The following PUS3 variants were observed in gnomAD, a reference collection of about 807,000 sequenced individuals.
PUS3 encodes tRNA pseudouridine(38/39) synthase.
Under a neutral mutation model 43.3 loss-of-function variants are expected in PUS3, and 36 were observed. The observed-to-expected ratio is 0.83, with a 90% CI of 0.64 to 1.10. The LOEUF is 1.10. PUS3 is among the 50% of genes least tolerant of loss of function. The pLI is 0.00. For missense variants in PUS3, 544 were observed against 589.9 expected (o/e 0.92, Z 0.81); for synonymous variants, 183 against 199.2 (o/e 0.92, Z 0.69).
Position 125,900,665 on chromosome 11 carries a change from C to T in PUS3, c.-47+2505G>A, listed in dbSNP as rs1182632153. On this transcript the variant is annotated intron_variant, in intron 1 of 3. Coordinates refer to ENST00000227474, the MANE Select transcript of PUS3 (RefSeq NM_031307.4). ...AAATTCATGAACTTGAACATTATTT[C>T]ATGAAATACTTGCCTAAGATGATCT... The T allele has an allele frequency of 1.5e-5, 4 of 259,764 alleles. No individual in the cohort carries two copies. In the Admixed American group the frequency reaches 1.6e-4, roughly 10 times the overall value. 16.1% of individuals were successfully genotyped at this position (259,764 alleles called of 1,614,324 possible).
Position 125,900,320 on chromosome 11 carries a change from A to T in PUS3, c.-47+2850T>A, listed in dbSNP as rs746008145. Reference sequence around the variant, plus strand: ...TGTTTGAGATAACCTAGCTCTTTATATCTTCCCTTTTAAATAGAAACAACT... The same window carrying T: ...TGTTTGAGATAACCTAGCTCTTTATTTCTTCCCTTTTAAATAGAAACAACT... On this transcript the variant is annotated intron_variant, in intron 1 of 3. Transcript: ENST00000227474. The T allele has an allele frequency of 7.1e-6, 11 of 1,541,304 alleles. No homozygotes were observed. In the South Asian group the frequency reaches 1.0e-4, roughly 14 times the overall value.
At position 125,896,338 on chromosome 11, in the gene PUS3, G is replaced by A; in HGVS notation, c.-46-8C>T. 1 of 1,495,148 alleles carries A rather than the reference G, an allele frequency of 6.7e-7. No individual in the cohort carries two copies. The highest frequency in any genetic ancestry group is 9.1e-7 in the Non-Finnish European group (1 of 1,097,490). The allele number at this position is 1,495,148 out of a possible 1,614,324, so 92.6% of individuals were successfully genotyped here. A position where few individuals can be genotyped will look rare whatever the true frequency, so the allele number is the denominator to read the frequency against. Reference sequence around the variant, plus strand: ...CATACAGGTCTGCCCTGTCTGAAAAGAGAGCAAAGGGATACAACAGTTTCA... The same window carrying A: ...CATACAGGTCTGCCCTGTCTGAAAAAAGAGCAAAGGGATACAACAGTTTCA... On this transcript the variant is annotated splice_region_variant and splice_polypyrimidine_tract_variant and intron_variant, in intron 1 of 3. Transcript: ENST00000227474.
At chr11:125,899,627 C>G in intron 1 of PUS3, 1 of 1,614,150 alleles carries the variant, frequency 6.2e-7, no homozygotes, top group Non-Finnish European at 8.5e-7. Flanking sequence ...TGAGGCCTCC[C>G]AAAGACTCCG....
At position 125,895,776 on chromosome 11, in the gene PUS3, T is replaced by C; in HGVS notation, c.392A>G (p.Asp131Gly). ...VSAFGQVISL[D>G]LRSQFPRGRD... ...GCCCCTTGGAAACTGAGAGCGAAGG[T>C]CAAGTGAGATCACCTGTGGAGTTAG... The change falls in exon 3 of 4, where the codon GAC becomes GGC. Residue 131 changes from aspartate to glycine, a missense_variant. Coordinates refer to ENST00000227474, the MANE Select transcript of PUS3 (RefSeq NM_031307.4). 2 of 1,599,342 alleles carry C rather than the reference T, an allele frequency of 1.3e-6. No homozygotes were observed. The highest frequency in any genetic ancestry group is 8.5e-7 in the Non-Finnish European group (1 of 1,175,708).
Position 125,899,480 on chromosome 11 carries a change from G to A in PUS3, c.-46-3150C>T, listed in dbSNP as rs759911014. On this transcript the variant is annotated intron_variant, in intron 1 of 3. Transcript: ENST00000227474. Reference sequence around the variant, plus strand: ...CATCTGTGCAGGGCAGGGTGAAGGAGATGTCAGGAGAGAAGCCCAATCTAT... The same window carrying A: ...CATCTGTGCAGGGCAGGGTGAAGGAAATGTCAGGAGAGAAGCCCAATCTAT... The A allele has an allele frequency of 1.9e-6, 3 of 1,614,208 alleles. No homozygotes were observed. The South Asian group carries it at 3.3e-5, about 18-fold the overall frequency.
chr11:125,895,956 T>A lies in PUS3; in HGVS notation c.329A>T (p.Asn110Ile). 6.2e-7 allele frequency: 1 copy of A among 1,614,116 alleles called. No individual in the cohort carries two copies. The highest frequency in any genetic ancestry group is 1.1e-5 in the South Asian group (1 of 91,086). The change falls in exon 2 of 4, where the codon AAC becomes ATC. Residue 110 changes from asparagine to isoleucine, a missense_variant. Physicochemically the swap from Asn to Ile is moderately radical, Grantham distance 149. Coordinates refer to ENST00000227474, the MANE Select transcript of PUS3 (RefSeq NM_031307.4). ...TRLVESRQTSNYHRCGRTDKG... is the reference protein window; with the variant it reads ...TRLVESRQTSIYHRCGRTDKG... ...ATCTGTTCTCCCACATCGGTGATAG[T>A]TGGATGTCTGTCTGCTTTCTACTAG... is the stretch of plus-strand genomic sequence containing the variant.
At chr11:125,894,413 T>C in intron 3 of PUS3, 127 bp from the exon 4 acceptor site, 1 of 688,442 alleles carries the variant, frequency 1.5e-6, no homozygotes, top group Non-Finnish European at 2.4e-6. Flanking sequence ...TATTGCCTAA[T>C]AGCTGAGAAA....
chr11:125,895,842 C>T (rs1424563132), intron 2 of PUS3, 53 bp from the exon 3 acceptor site: 2 of 1,583,014 alleles, frequency 1.3e-6, no homozygotes, highest in Middle Eastern at 1.7e-4. Flanking sequence ...AATCTCAGTA[C>T]TCAGTGTGTA....
chr11:125,899,005 C>T, intron 1 of PUS3: 1 of 189,498 alleles, frequency 5.3e-6, no homozygotes, highest in South Asian at 1.3e-4. Flanking sequence ...ACATAAAGTA[C>T]TCCCTAAGTA....
At chr11:125,901,256 T>C (rs961429766) in intron 1 of PUS3, among the ~76,000 whole-genome samples, 3 of 152,244 alleles carry the variant, frequency 2.0e-5, no homozygotes, top group South Asian at 4.1e-4. Context: ...TACCATTCTT[T>C]TTATAATTTG....
Position 125,899,392 on chromosome 11 carries a change from A to C in PUS3, c.-46-3062T>G. On this transcript the variant is annotated intron_variant, in intron 1 of 3. Coordinates refer to ENST00000227474, the MANE Select transcript of PUS3 (RefSeq NM_031307.4). ...CAATGGAAGAACTTCTACCTGATGG[A>C]CAAATATGGGCTAATATGGATCCAG... 3 of 1,614,152 alleles carry C rather than the reference A, an allele frequency of 1.9e-6. No individual in the cohort carries two copies. The highest frequency in any genetic ancestry group is 2.5e-6 in the Non-Finnish European group (3 of 1,180,010).
At chr11:125,900,995 C>T (rs1353245399) in intron 1 of PUS3, among the ~76,000 whole-genome samples, 2 of 106,496 alleles carry the variant, frequency 1.9e-5, no homozygotes, top group South Asian at 3.5e-4. Flanking sequence ...TGGGCGACAG[C>T]GAGACTCCGT....
At position 125,894,202 on chromosome 11, in the gene PUS3, G is replaced by A. The variant is rs1349524327; in HGVS notation, c.1029C>T (p.Phe343=). ...KWIYDQEAQE[F]NITHLQQLWA... ...ACAGTTGTTGTAGGTGGGTAATATT[G>A]AACTCCTGAGCCTCCTGGTCATAGA... Residue 343 remains phenylalanine (F), a synonymous_variant, in exon 4 of 4, where the codon TTC becomes TTT. Coordinates refer to ENST00000227474, the MANE Select transcript of PUS3 (RefSeq NM_031307.4). 1.2e-6 allele frequency: 2 copies of A among 1,613,864 alleles called. No individual in the cohort carries two copies. Among genetic ancestry groups the A allele is most frequent in the Admixed American group, 3.3e-5 (2 of 60,016 alleles).
In PUS3 at chr11:125,896,210, C is replaced by T; in HGVS notation, c.75G>A (p.Val25=). The T allele has an allele frequency of 6.2e-7, 1 of 1,614,142 alleles. No homozygotes were observed. The highest frequency in any genetic ancestry group is 8.5e-7 in the Non-Finnish European group (1 of 1,180,004). Reference sequence around the variant, plus strand: ...TGGCCTGTTCCTTTTTAAGTCTTTGCACCTCTTGCTCCAGTTCTCGTACTC... The same window carrying T: ...TGGCCTGTTCCTTTTTAAGTCTTTGTACCTCTTGCTCCAGTTCTCGTACTC... ...LKRVRELEQE[V]QRLKKEQAKN... is the part of the protein sequence containing the mutation. Residue 25 remains valine (V), a synonymous_variant, in exon 2 of 4, where the codon GTG becomes GTA. Transcript: ENST00000227474.
chr11:125,899,965 G>A lies in PUS3; in HGVS notation c.-47+3205C>T, dbSNP rs1222550831. The A allele has an allele frequency of 1.2e-6, 2 of 1,614,072 alleles. No homozygotes were observed. The highest frequency in any genetic ancestry group is 1.7e-6 in the Non-Finnish European group (2 of 1,180,048). On this transcript the variant is annotated intron_variant, in intron 1 of 3. Transcript: ENST00000227474. ...GACCCAAGTCCTTTATTCTCCCAAA[G>A]CTGGACCAGTTAAGCCGAAACCGGG... is the stretch of plus-strand genomic sequence containing the variant.
At chr11:125,900,120 C>T (rs750106574) in intron 1 of PUS3, 1 of 1,614,124 alleles carries the variant, frequency 6.2e-7, no homozygotes, top group Non-Finnish European at 8.5e-7. Flanking sequence ...CGAGCAGAAC[C>T]CCAATCCAAA....
At chr11:125,900,473 TAAATC>T (rs1591509021) in intron 1 of PUS3, 10 of 575,430 alleles carry the variant, frequency 1.7e-5, no homozygotes, top group South Asian at 2.0e-5. Context: ...AATTGCAAGA[TAAATC>T]ATATCAGAGA....
At chr11:125,897,094 C>A (rs929058897) in intron 1 of PUS3, among the ~76,000 whole-genome samples, 5 of 152,164 alleles carry the variant, frequency 3.3e-5, no homozygotes, top group Admixed American at 6.5e-5. Context: ...CTGAGGACAA[C>A]TGTACTACAT....
At chr11:125,900,972 C>T (rs1490067702) in intron 1 of PUS3, 2 of 147,850 alleles carry the variant, frequency 1.4e-5, no homozygotes, top group Non-Finnish European at 3.0e-5. Flanking sequence ...GATTGCGCCA[C>T]TGCACTCCAG....
Sources: allele counts gnomAD v4.1 joint callset (sites outside exome capture counted in the v4.1 genomes callset), GRCh38; gene constraint gnomAD v4.1.1; transcripts MANE v1.5; gene names NCBI Gene and HGNC (gene_info 2026-07-23, HGNC 2026-07-21).